Variants in ACSL6 observed in about 807,000 individuals in gnomAD.
ACSL6 encodes acyl-CoA synthetase long chain family member 6, also known as long-chain-fatty-acid--CoA ligase 6.
ACSL6 carries 47 observed loss-of-function variants against 98.2 expected under a neutral mutation model. The observed-to-expected ratio is 0.48, with a 90% CI of 0.38 to 0.61. The LOEUF is 0.61. ACSL6 is among the 20% of genes least tolerant of loss of function. ACSL6 has a pLI of 0.00. For missense variants in ACSL6, 761 were observed against 913.4 expected, an observed-to-expected ratio of 0.83 and a Z score of 2.15; for synonymous variants, 362 against 336.9, an observed-to-expected ratio of 1.07 and a Z score of -0.82.
intron 16 of ACSL6, among the ~76,000 whole-genome samples, chr5:131,967,545 G>C (rs1014001165): frequency 1.3e-5 from 2 of 152,040 alleles, no homozygotes; most frequent in Admixed American, 6.5e-5. Flanking sequence ...GGCACCTGTA[G>C]TCCCAGCTAC....
intron 8 of ACSL6, 23 bp downstream of exon 8, chr5:131,986,799 G>A: frequency 6.2e-7 from 1 of 1,614,092 alleles, no homozygotes; most frequent in Middle Eastern, 1.7e-4. Flanking sequence ...GCTCAATAAA[G>A]ACCTGCAGGT....
Position 131,994,157 on chromosome 5 carries a change from G to A in ACSL6, c.144C>T (p.Arg48=), listed in dbSNP as rs199672429. Residue 48 remains arginine (R), a synonymous_variant, in exon 2 of 21, where the codon CGC becomes CGT. Coordinates refer to ENST00000651883, the MANE Select transcript of ACSL6 (RefSeq NM_001009185.3). ...TCACGAGGGTGGTGGCCGAGAGGCTGCGGAAAAACTGTCCCAAGTCACCTA... is the reference window on the plus strand; with the variant it reads ...TCACGAGGGTGGTGGCCGAGAGGCTACGGAAAAACTGTCCCAAGTCACCTA... ...PELGDLGQFF[R]SLSATTLVSM... is the part of the protein sequence containing the mutation. 1.9e-6 allele frequency: 3 copies of A among 1,614,236 alleles called. No individual in the cohort carries two copies. Among genetic ancestry groups the A allele is most frequent in the Non-Finnish European group, 2.5e-6 (3 of 1,180,048 alleles).
intron 7 of ACSL6, among the ~76,000 whole-genome samples, 191 bp from the exon 8 acceptor site, chr5:131,987,045 C>T (rs1754235777): frequency 6.6e-6 from 1 of 152,034 alleles, no homozygotes; most frequent in Non-Finnish European, 1.5e-5. Flanking sequence ...CTTACTCCTG[C>T]ACCAATCCCA....
chr5:131,990,196 G>T, intron 3 of ACSL6, 32 bp from the exon 4 acceptor site: 1 of 1,610,842 alleles, frequency 6.2e-7, no homozygotes, highest in Middle Eastern at 1.7e-4. Flanking sequence ...TTGTGTCAGA[G>T]AGGGGTCAGA....
intron 1 of ACSL6, among the ~76,000 whole-genome samples, chr5:132,007,884 AC>A (rs905903682): frequency 5.3e-5 from 8 of 152,218 alleles, no homozygotes; most frequent in Admixed American, 5.2e-4. Flanking sequence ...ATGATCACTC[AC>A]CCCATGTATG....
intron 9 of ACSL6, chr5:131,985,121 G>A: frequency 2.2e-6 from 1 of 454,238 alleles, no homozygotes; most frequent in Admixed American, 3.3e-5. Flanking sequence ...AGTGAGAAAG[G>A]ACCTTCCCTC....
At chr5:131,986,295 G>A (rs1055946340) in intron 8 of ACSL6, among the ~76,000 whole-genome samples, 1 of 152,200 alleles carries the variant, frequency 6.6e-6, no homozygotes, top group African/African-American at 2.4e-5. Flanking sequence ...GAGCTGGAGG[G>A]AGGCCTGGAG....
At chr5:132,005,241 G>A (rs183853651) in intron 1 of ACSL6, among the ~76,000 whole-genome samples, 1 of 152,208 alleles carries the variant, frequency 6.6e-6, no homozygotes, top group African/African-American at 2.4e-5. Flanking sequence ...GCACAGTCAC[G>A]ATGAACACTG....
Position 131,994,201 on chromosome 5 carries a change from T to C in ACSL6, c.100A>G (p.Ile34Val). 1.2e-6 allele frequency: 2 copies of C among 1,614,064 alleles called. No individual in the cohort carries two copies. The highest frequency in any genetic ancestry group is 1.7e-6 in the Non-Finnish European group (2 of 1,179,998). Reference protein sequence around the residue: ...EKMQTQEILRILRLPELGDLG... With the variant: ...EKMQTQEILRVLRLPELGDLG... Reference sequence around the variant, plus strand: ...TCACCTAGCTCAGGCAGTCGCAGTATCCTCAGGATCTCCTGTGTCTGCATC... The same window carrying C: ...TCACCTAGCTCAGGCAGTCGCAGTACCCTCAGGATCTCCTGTGTCTGCATC... The change falls in exon 2 of 21, where the codon ATA (isoleucine) becomes GTA (valine). Residue 34 changes from isoleucine to valine, a missense_variant. Ile to Val is a conservative substitution (Grantham distance 29). Transcript: ENST00000651883.
At chr5:131,996,101 G>C (rs1425307585) in intron 1 of ACSL6, among the ~76,000 whole-genome samples, 1 of 152,194 alleles carries the variant, frequency 6.6e-6, no homozygotes, top group African/African-American at 2.4e-5. Flanking sequence ...CCACCCACAG[G>C]CTCTGGGTGA....
At chr5:132,012,157 T>C (rs1304967592), upstream of ACSL6, 7 of 485,248 alleles carry the variant, frequency 1.4e-5, no homozygotes, top group Non-Finnish European at 2.4e-5. Flanking sequence ...GGACCCGAGT[T>C]TGCAGACATG....
chr5:131,988,824 G>A lies in ACSL6; in HGVS notation c.633C>T (p.Ile211=). 1 of 1,613,902 alleles carries A rather than the reference G, an allele frequency of 6.2e-7. No individual in the cohort carries two copies. Among genetic ancestry groups the A allele is most frequent in the South Asian group, 1.1e-5 (1 of 91,066 alleles). Residue 211 remains isoleucine (I), a synonymous_variant, in exon 6 of 21, where the codon ATC becomes ATT. Transcript: ENST00000651883. ...GCTTACCTGTATTGATGATGTAGCG[G>A]ATAGCCCCAGGGCCCAGGGTGTCAT... ...PLYDTLGPGA[I]RYIINTADIS...
rs555706416 is a variant in ACSL6, at chr5:131,952,436, A to T, written c.*1798T>A. 117 of 213,218 alleles carry T rather than the reference A, an allele frequency of 5.5e-4. No individual in the cohort carries two copies. The highest frequency in any genetic ancestry group is 8.9e-4 in the Non-Finnish European group (94 of 105,406). The allele number at this position is 213,218 out of a possible 1,614,324, so 13.2% of individuals were successfully genotyped here. On this transcript the variant is annotated 3_prime_UTR_variant, in exon 21 of 21. Coordinates refer to ENST00000651883, the MANE Select transcript of ACSL6 (RefSeq NM_001009185.3). The stretch of plus-strand genomic sequence containing the variant: ...CATATTTATTCAGTAGGCCCATGTG[A>T]TTATGTGGTTTTTAACTAACAGCAT...
At chr5:131,964,146 A>G (rs1279612114) in intron 17 of ACSL6, among the ~76,000 whole-genome samples, 7 of 152,166 alleles carry the variant, frequency 4.6e-5, no homozygotes, top group Non-Finnish European at 1.0e-4. Flanking sequence ...AAAAATGGGG[A>G]AAAAACCCAC....
intron 1 of ACSL6, among the ~76,000 whole-genome samples, chr5:132,010,848 G>A (rs1755679311): frequency 6.6e-6 from 1 of 152,190 alleles, no homozygotes; most frequent in Admixed American, 6.5e-5. Flanking sequence ...AGGTAAGCGC[G>A]GAGGCGGGAT....
chr5:131,995,058 G>T (rs1039187963), intron 1 of ACSL6, among the ~76,000 whole-genome samples: 5 of 152,172 alleles, frequency 3.3e-5, no homozygotes, highest in African/African-American at 1.2e-4. Context: ...AGTGCTGTGT[G>T]CGCTCCCCGG....
At chr5:131,991,419 T>A (rs1754506503) in intron 2 of ACSL6, among the ~76,000 whole-genome samples, 2 of 152,128 alleles carry the variant, frequency 1.3e-5, no homozygotes, top group East Asian at 3.8e-4. Context: ...ATCAGTTGGG[T>A]GTGGTGTTAG....
Position 131,972,732 on chromosome 5 carries a change from T to C in ACSL6, c.1330A>G (p.Lys444Glu). The C allele has an allele frequency of 6.2e-7, 1 of 1,614,180 alleles. No homozygotes were observed. Residue 444 changes from lysine (K) to glutamate (E), a missense_variant, in exon 13 of 21, where the codon AAG becomes GAG. By Grantham distance (56) the Lys-to-Glu change is moderately conservative. Transcript: ENST00000651883. ...DSIWDELFFNKIQASLGGCVR... is the reference protein window; with the variant it reads ...DSIWDELFFNEIQASLGGCVR... The stretch of plus-strand genomic sequence containing the variant: ...CTTGTTCATTTTCTTACCTGAATCT[T>C]ATTAAAGAAGAGTTCATCCCAGATA...
chr5:131,988,028 G>T lies in ACSL6; in HGVS notation c.831+20C>A. ...CCAGCCAGCAGTAGCCCAGCAAACCGCCCAGAAGCAGACCCTCACCTCCAC... is the reference window on the plus strand; with the variant it reads ...CCAGCCAGCAGTAGCCCAGCAAACCTCCCAGAAGCAGACCCTCACCTCCAC... On this transcript the variant is annotated intron_variant, in intron 7 of 20. Transcript: ENST00000651883. 6.2e-7 allele frequency: 1 copy of T among 1,610,166 alleles called. No homozygotes were observed. The highest frequency in any genetic ancestry group is 2.2e-5 in the East Asian group (1 of 44,774).
Sources: allele counts gnomAD v4.1 joint callset (sites outside exome capture counted in the v4.1 genomes callset), GRCh38; gene constraint gnomAD v4.1.1; transcripts MANE v1.5; gene names NCBI Gene and HGNC (gene_info 2026-07-23, HGNC 2026-07-21).